RXFP1: variants seen among roughly 807,000 people sequenced by gnomAD.
RXFP1 encodes the protein relaxin family peptide receptor 1.
Under a neutral mutation model 89.8 loss-of-function variants are expected in RXFP1, and 73 were observed. The ratio of observed to expected loss-of-function variants is 0.81; its 90% CI spans 0.67 to 0.99. RXFP1 has a LOEUF of 0.99. Ranked by LOEUF, RXFP1 falls within the 50% of genes least tolerant of loss-of-function variation. RXFP1 has a pLI of 0.00. For missense variants in RXFP1, 793 were observed against 895.5 expected (o/e 0.89, Z 1.46); for synonymous variants, 277 against 305.5 (o/e 0.91, Z 0.97).
chr4:158,579,389 C>T (rs957295397), intron 2 of RXFP1, among the ~76,000 whole-genome samples: 1 of 152,192 alleles, frequency 6.6e-6, no homozygotes, highest in Non-Finnish European at 1.5e-5. Context: ...CTGCCTCAGC[C>T]TCCTGAGTAC....
At chr4:158,544,346 T>C in intron 1 of RXFP1, 1 of 985,234 alleles carries the variant, frequency 1.0e-6, no homozygotes, top group Non-Finnish European at 1.2e-6. Context: ...CATCTCATCC[T>C]TGCACTGAAG....
chr4:158,560,314 C>A (rs1752171912), intron 1 of RXFP1, among the ~76,000 whole-genome samples: 1 of 152,150 alleles, frequency 6.6e-6, no homozygotes, highest in African/African-American at 2.4e-5. Context: ...CAACAGGGAC[C>A]ACTCATCCCA....
intron 1 of RXFP1, among the ~76,000 whole-genome samples, chr4:158,556,224 C>CAAAAAAAAAAAAAAAAAAAAAAAAAAA (rs11337872): frequency 7.5e-6 from 1 of 132,480 alleles, no homozygotes; most frequent in Non-Finnish European, 1.6e-5. Context: ...AACTTAACAG[C>CAAAAAAAAAAAAAAAAAAAAAAAAAAA]AAAAAAAAAA....
intron 1 of RXFP1, among the ~76,000 whole-genome samples, chr4:158,568,249 G>T: frequency 6.6e-6 from 1 of 152,182 alleles, no homozygotes; most frequent in East Asian, 1.9e-4. Flanking sequence ...CTTCATTGTT[G>T]AAGTCAGTGA....
intron 5 of RXFP1, chr4:158,607,191 C>A: frequency 8.3e-7 from 1 of 1,210,890 alleles, no homozygotes; most frequent in Non-Finnish European, 1.2e-6. Flanking sequence ...AGCGTATACT[C>A]TGGTACCCAT....
intron 1 of RXFP1, among the ~76,000 whole-genome samples, chr4:158,537,203 G>C (rs558539584): frequency 1.6e-4 from 25 of 152,200 alleles, no homozygotes; most frequent in African/African-American, 5.8e-4. Flanking sequence ...AACTACAGCT[G>C]TGGGGAATAT....
intron 14 of RXFP1, among the ~76,000 whole-genome samples, chr4:158,643,662 G>C (rs536870649): frequency 6.6e-6 from 1 of 151,606 alleles, no homozygotes; most frequent in Admixed American, 6.6e-5. Flanking sequence ...TAGTAGAGAC[G>C]GGTTTTCACC....
At chr4:158,605,009 T>C (rs1762316092) in intron 4 of RXFP1, 59 bp from the exon 5 acceptor site, 2 of 942,198 alleles carry the variant, frequency 2.1e-6, no homozygotes, top group East Asian at 4.9e-5. Flanking sequence ...ATCCCTATTG[T>C]TGTAATTTAA....
At chr4:158,546,953 G>T (rs1310195220) in intron 1 of RXFP1, among the ~76,000 whole-genome samples, 1 of 152,058 alleles carries the variant, frequency 6.6e-6, no homozygotes, top group Admixed American at 6.6e-5. Context: ...TCAGGATGAT[G>T]CTGGCCTCAT....
intron 1 of RXFP1, among the ~76,000 whole-genome samples, chr4:158,559,495 C>G (rs905670288): frequency 6.6e-6 from 1 of 152,038 alleles, no homozygotes; most frequent in African/African-American, 2.4e-5. Context: ...AAAGGCTAGA[C>G]CCCCCTGCCC....
intron 1 of RXFP1, among the ~76,000 whole-genome samples, chr4:158,566,476 G>T (rs952971055): frequency 1.4e-4 from 22 of 152,054 alleles, no homozygotes; most frequent in Non-Finnish European, 2.6e-4. Flanking sequence ...TGATTCTCCT[G>T]CCTCAGCCTC....
chr4:158,565,582 G>T (rs1753388496), intron 1 of RXFP1, among the ~76,000 whole-genome samples: 1 of 152,202 alleles, frequency 6.6e-6, no homozygotes, highest in Non-Finnish European at 1.5e-5. Context: ...AAGCAAGGAA[G>T]AGTGCTCAAA....
intron 11 of RXFP1, among the ~76,000 whole-genome samples, chr4:158,632,655 T>A (rs1443133753): frequency 6.6e-6 from 1 of 152,102 alleles, no homozygotes; most frequent in Admixed American, 6.6e-5. Flanking sequence ...TGAGATGGCA[T>A]GCAAAGTATC....
intron 2 of RXFP1, among the ~76,000 whole-genome samples, chr4:158,577,486 AC>A (rs1756497188): frequency 6.6e-6 from 1 of 152,150 alleles, no homozygotes; most frequent in Non-Finnish European, 1.5e-5. Context: ...ATATAAGAAA[AC>A]CCCATAATTA....
At chr4:158,628,478 G>A (rs912567967) in intron 10 of RXFP1, among the ~76,000 whole-genome samples, 160 bp from the exon 11 acceptor site, 9 of 152,154 alleles carry the variant, frequency 5.9e-5, no homozygotes, top group Admixed American at 2.0e-4. Flanking sequence ...AGAAATTTAG[G>A]ATTAAAATTA....
intron 1 of RXFP1, among the ~76,000 whole-genome samples, chr4:158,554,311 T>A: frequency 6.6e-6 from 1 of 152,172 alleles, no homozygotes; most frequent in East Asian, 1.9e-4. Context: ...TACTCACTCT[T>A]TAAAAGCAAG....
chr4:158,559,935 A>G (rs1257401525), intron 1 of RXFP1, among the ~76,000 whole-genome samples: 1 of 152,248 alleles, frequency 6.6e-6, no homozygotes, highest in Non-Finnish European at 1.5e-5. Flanking sequence ...AATGTTTACA[A>G]GTTATTTTAC....
At chr4:158,565,376 A>G (rs553114321) in intron 1 of RXFP1, among the ~76,000 whole-genome samples, 11 of 152,326 alleles carry the variant, frequency 7.2e-5, no homozygotes, top group African/African-American at 2.6e-4. Context: ...AACCATACAT[A>G]TATTTCCTAG....
At chr4:158,592,854 G>A (rs775172458) in intron 2 of RXFP1, among the ~76,000 whole-genome samples, 1 of 152,016 alleles carries the variant, frequency 6.6e-6, no homozygotes, top group Non-Finnish European at 1.5e-5. Context: ...ACTTTGGGGG[G>A]CCGAGGCGGA....
Sources: allele counts gnomAD v4.1 joint callset (sites outside exome capture counted in the v4.1 genomes callset), GRCh38; gene constraint gnomAD v4.1.1; transcripts MANE v1.5; gene names NCBI Gene and HGNC (gene_info 2026-07-23, HGNC 2026-07-21).